Variants in DENND1A observed in about 807,000 individuals in gnomAD.
DENND1A encodes DENN domain containing 1A.
DENND1A carries 51 observed loss-of-function variants against 113.7 expected under a neutral mutation model. The ratio of observed to expected loss-of-function variants is 0.45; its 90% CI spans 0.36 to 0.57. DENND1A has a LOEUF of 0.57. DENND1A is among the 20% of genes least tolerant of loss of function. The pLI, the probability that DENND1A is intolerant of heterozygous loss-of-function variation, is 0.00. For missense variants in DENND1A, 1,258 were observed against 1,395.9 expected (o/e 0.90, Z 1.57); for synonymous variants, 565 against 570.8 (o/e 0.99, Z 0.14).
chr9:123,827,739 C>A (rs1839582387), intron 2 of DENND1A, among the ~76,000 whole-genome samples: 1 of 151,932 alleles, frequency 6.6e-6, no homozygotes, highest in Admixed American at 6.6e-5. Flanking sequence ...TGGGTTGGAC[C>A]TCAAATAATT....
At chr9:123,923,876 A>T (rs763059622) in intron 1 of DENND1A, among the ~76,000 whole-genome samples, 4 of 152,178 alleles carry the variant, frequency 2.6e-5, no homozygotes, top group African/African-American at 4.8e-5. Flanking sequence ...CAATTTTAAC[A>T]GTTTCTCAAA....
At chr9:123,425,112 C>T (rs536343550) in intron 19 of DENND1A, among the ~76,000 whole-genome samples, 3 of 152,334 alleles carry the variant, frequency 2.0e-5, no homozygotes, top group East Asian at 1.9e-4. Flanking sequence ...AAGGTGATCT[C>T]GCATGTGGTA....
intron 18 of DENND1A, among the ~76,000 whole-genome samples, chr9:123,443,875 G>C (rs1017182946): frequency 1.3e-5 from 2 of 152,118 alleles, no homozygotes; most frequent in Non-Finnish European, 2.9e-5. Context: ...AGGATCACCA[G>C]AGCTTGGGGA....
intron 5 of DENND1A, among the ~76,000 whole-genome samples, chr9:123,721,556 TTTTTAA>T (rs1231273009): frequency 5.3e-5 from 8 of 152,236 alleles, no homozygotes; most frequent in Admixed American, 5.2e-4. Flanking sequence ...CCAAATCTCA[TTTTTAA>T]TTTTAACTCC....
intron 19 of DENND1A, among the ~76,000 whole-genome samples, chr9:123,420,866 G>C (rs1449026409): frequency 1.3e-5 from 2 of 149,150 alleles, no homozygotes; most frequent in Non-Finnish European, 3.0e-5. Context: ...GCGGGGGAGG[G>C]AGGAGGGCCA....
Position 123,403,506 on chromosome 9 carries a change from G to A in DENND1A, c.1543-16C>T, listed in dbSNP as rs377578710. 2.3e-5 allele frequency: 37 copies of A among 1,611,922 alleles called. No homozygotes were observed. The highest frequency in any genetic ancestry group is 3.1e-5 in the Non-Finnish European group (36 of 1,178,324). Reference sequence around the variant, plus strand: ...GTGGGCGCACCTAGAGGAGGTACAGGGGGAGAGCCCCAAGAAGGAGTGAGT... The same window carrying A: ...GTGGGCGCACCTAGAGGAGGTACAGAGGGAGAGCCCCAAGAAGGAGTGAGT... On this transcript the variant is annotated splice_polypyrimidine_tract_variant and intron_variant, in intron 20 of 23. Coordinates refer to ENST00000394215, the MANE Select transcript of DENND1A (RefSeq NM_001352964.2).
At chr9:123,522,324 A>C (rs983384926) in intron 13 of DENND1A, among the ~76,000 whole-genome samples, 1 of 152,204 alleles carries the variant, frequency 6.6e-6, no homozygotes, top group Non-Finnish European at 1.5e-5. Context: ...GGAGCTGCAC[A>C]ATGCCCAGAG....
chr9:123,391,761 G>GAAAAAAAAAAA lies in DENND1A; in HGVS notation c.1632-3914_1632-3904dup, dbSNP rs5900572. ...TTTTTATTAGCTTAAGGCAGAATAT[G>GAAAAAAAAAAA]AAAAAAAAAAAAAAAAAAAGCACCT... On this transcript the variant is annotated intron_variant, in intron 21 of 23. Transcript: ENST00000394215. Among the ~76,000 whole-genome samples, 26 of 110,378 alleles carry GAAAAAAAAAAA rather than the reference G, an allele frequency of 2.4e-4. 4 individuals are homozygous for GAAAAAAAAAAA. The highest frequency in any genetic ancestry group is 3.0e-4 in the South Asian group (1 of 3,286). The allele number at this position is 110,378 out of a possible 152,430, so 72.4% of individuals were successfully genotyped here.
intron 19 of DENND1A, among the ~76,000 whole-genome samples, chr9:123,426,048 G>C (rs530345453): frequency 1.6e-4 from 24 of 152,356 alleles, no homozygotes; most frequent in African/African-American, 5.3e-4. Flanking sequence ...TGGAGGGTGG[G>C]CAGGAACTGC....
chr9:123,497,266 A>G (rs562385643), intron 13 of DENND1A, among the ~76,000 whole-genome samples: 3 of 152,224 alleles, frequency 2.0e-5, no homozygotes, highest in Admixed American at 6.5e-5. Flanking sequence ...AGTGACTCAG[A>G]AAACGTTTCC....
At chr9:123,884,642 C>G (rs1848757442) in intron 1 of DENND1A, among the ~76,000 whole-genome samples, 1 of 152,090 alleles carries the variant, frequency 6.6e-6, no homozygotes, top group Non-Finnish European at 1.5e-5. Flanking sequence ...TTCCATACAG[C>G]TAACACCACT....
intron 2 of DENND1A, among the ~76,000 whole-genome samples, chr9:123,808,994 C>T (rs141762185): frequency 2.8e-4 from 42 of 152,300 alleles, no homozygotes; most frequent in African/African-American, 9.9e-4. Context: ...AAAGCCCCTG[C>T]AACTAAGATC....
intron 16 of DENND1A, among the ~76,000 whole-genome samples, chr9:123,453,204 C>A (rs1157681069): frequency 1.3e-5 from 2 of 152,154 alleles, no homozygotes; most frequent in African/African-American, 4.8e-5. Context: ...GCTGGAGAGG[C>A]AGGACAGCAC....
intron 10 of DENND1A, among the ~76,000 whole-genome samples, chr9:123,623,027 C>T (rs1056679540): frequency 7.9e-5 from 12 of 152,090 alleles, no homozygotes; most frequent in African/African-American, 2.9e-4. Context: ...ATTCATAAGG[C>T]CTGGAAATGT....
chr9:123,581,388 C>G (rs1273505179), intron 12 of DENND1A, among the ~76,000 whole-genome samples: 1 of 152,098 alleles, frequency 6.6e-6, no homozygotes, highest in Non-Finnish European at 1.5e-5. Context: ...AATCCCAGCA[C>G]TTAGGGAGGC....
chr9:123,660,021 C>A (rs1013944575), intron 8 of DENND1A, among the ~76,000 whole-genome samples: 1 of 152,140 alleles, frequency 6.6e-6, no homozygotes, highest in Non-Finnish European at 1.5e-5. Flanking sequence ...AAAAACATTT[C>A]TTTTCTTTTT....
chr9:123,388,327 T>C lies in DENND1A; in HGVS notation c.1632-469A>G, dbSNP rs1354593482. 3.9e-5 allele frequency among the ~76,000 whole-genome samples: 6 copies of C among 152,268 alleles called. No homozygotes were observed. The East Asian group carries it at 1.2e-3, about 29-fold the overall frequency. Reference sequence around the variant, plus strand: ...TGTCATCTGCTTATGGAAAAATTCATAGAAAAAAGACTGGAAAGGTTCATG... The same window carrying C: ...TGTCATCTGCTTATGGAAAAATTCACAGAAAAAAGACTGGAAAGGTTCATG... On this transcript the variant is annotated intron_variant, in intron 21 of 23. Transcript: ENST00000394215.
intron 2 of DENND1A, among the ~76,000 whole-genome samples, chr9:123,853,978 A>C (rs924258188): frequency 1.1e-4 from 16 of 152,182 alleles, no homozygotes; most frequent in Admixed American, 1.0e-3. Context: ...ATGTATCATC[A>C]CCTTTAGAAT....
chr9:123,868,630 C>T (rs983717362), intron 2 of DENND1A, among the ~76,000 whole-genome samples: 5 of 152,276 alleles, frequency 3.3e-5, no homozygotes, highest in South Asian at 2.1e-4. Context: ...AATGAATTCC[C>T]GGTCCACCAT....
Sources: allele counts gnomAD v4.1 joint callset (sites outside exome capture counted in the v4.1 genomes callset), GRCh38; gene constraint gnomAD v4.1.1; transcripts MANE v1.5; gene names NCBI Gene and HGNC (gene_info 2026-07-23, HGNC 2026-07-21).